Variants in PTGR1 observed in about 807,000 individuals in gnomAD.
The protein encoded by PTGR1 is 15-oxoprostaglandin 13-reductase.
Under a neutral mutation model 37.7 loss-of-function variants are expected in PTGR1, and 23 were observed. The ratio of observed to expected loss-of-function variants is 0.61; its 90% confidence interval spans 0.44 to 0.86. The LOEUF (loss-of-function observed/expected upper bound fraction) is 0.86, where lower values mean the gene tolerates loss of function less well. Ranked by LOEUF, PTGR1 falls within the 40% of genes least tolerant of loss-of-function variation. The probability of loss-of-function intolerance (pLI) is 0.00; values close to 1 mark genes in which losing one functional copy is unlikely to be tolerated. For synonymous variants in PTGR1, 134 were observed against 140.0 expected, an observed-to-expected ratio of 0.96 and a Z score of 0.30; for missense variants, 351 against 394.3, an observed-to-expected ratio of 0.89 and a Z score of 0.93.
chr9:111,587,597 G>T (rs548711078), intron 4 of PTGR1, among the ~76,000 whole-genome samples: 24 of 152,166 alleles, frequency 1.6e-4, no homozygotes, highest in African/African-American at 5.8e-4. Flanking sequence ...GAATACAGGC[G>T]CGTGCCACTA....
At chr9:111,560,962 TATATATATATATAGAGAG>T (rs1231499319), downstream of PTGR1, among the ~76,000 whole-genome samples, 12 of 45,906 alleles carry the variant, frequency 2.6e-4, no homozygotes, top group Admixed American at 3.0e-3. Context: ...TATATATATA[TATATATATATATAGAGAG>T]AGAGAGAGAG....
At chr9:111,568,705 G>A (rs1056378242) in intron 9 of PTGR1, among the ~76,000 whole-genome samples, 5 of 152,210 alleles carry the variant, frequency 3.3e-5, no homozygotes, top group South Asian at 2.1e-4. Flanking sequence ...ATGTGGTGTC[G>A]CCCCCAGCAG....
intron 2 of PTGR1, 67 bp from the exon 3 acceptor site, chr9:111,594,334 C>A: frequency 7.3e-7 from 1 of 1,378,048 alleles, no homozygotes; most frequent in Admixed American, 1.7e-5. Context: ...AGACACTGAG[C>A]ACCACTAGAC....
chr9:111,583,804 G>GA (rs1271285319), intron 5 of PTGR1, among the ~76,000 whole-genome samples: 1 of 152,172 alleles, frequency 6.6e-6, no homozygotes, highest in Non-Finnish European at 1.5e-5. Flanking sequence ...GGAGGGAAGG[G>GA]AGAGTTGGCT....
At chr9:111,586,196 G>A (rs994046457) in intron 4 of PTGR1, 31 bp from the exon 5 acceptor site, 1 of 1,599,592 alleles carries the variant, frequency 6.3e-7, no homozygotes, top group Non-Finnish European at 8.6e-7. Flanking sequence ...AGGCATTAAG[G>A]CATGTGACAT....
At chr9:111,576,003 C>T (rs535520195) in intron 7 of PTGR1, among the ~76,000 whole-genome samples, 14 of 151,318 alleles carry the variant, frequency 9.3e-5, no homozygotes, top group Non-Finnish European at 1.8e-4. Flanking sequence ...AAAAAAAATA[C>T]ATAAAAATTA....
At chr9:111,560,513 C>A (rs1473255868), downstream of PTGR1, among the ~76,000 whole-genome samples, 1 of 147,100 alleles carries the variant, frequency 6.8e-6, no homozygotes, top group African/African-American at 2.5e-5. Context: ...TGGTGGCAGG[C>A]GCCTGTAATC....
chr9:111,569,976 G>T, intron 9 of PTGR1, 115 bp downstream of exon 9: 1 of 1,518,162 alleles, frequency 6.6e-7, no homozygotes, highest in Non-Finnish European at 9.0e-7. Flanking sequence ...GACCCAATAG[G>T]GAAAAACTGA....
At chr9:111,554,589 A>G (rs1355558894) in intron 9 of PTGR1, among the ~76,000 whole-genome samples, 1 of 152,132 alleles carries the variant, frequency 6.6e-6, no homozygotes, top group Non-Finnish European at 1.5e-5. Flanking sequence ...ATAACCCAAG[A>G]AGGCTACTAA....
At chr9:111,588,635 C>T (rs921506909) in intron 4 of PTGR1, among the ~76,000 whole-genome samples, 4 of 152,030 alleles carry the variant, frequency 2.6e-5, no homozygotes, top group African/African-American at 4.8e-5. Context: ...AAGCAATTCT[C>T]GTCCCTTGGC....
At chr9:111,590,468 C>T in intron 4 of PTGR1, among the ~76,000 whole-genome samples, 1 of 152,120 alleles carries the variant, frequency 6.6e-6, no homozygotes, top group Non-Finnish European at 1.5e-5. Context: ...AAGCAATTCT[C>T]ATGCCTCAGC....
At chr9:111,559,549 C>A (rs1828215109), downstream of PTGR1, among the ~76,000 whole-genome samples, 1 of 152,080 alleles carries the variant, frequency 6.6e-6, no homozygotes, top group African/African-American at 2.4e-5. Flanking sequence ...CCACAACACA[C>A]TGCCCAACCC....
intron 6 of PTGR1, among the ~76,000 whole-genome samples, chr9:111,579,381 C>G (rs1829202146): frequency 6.6e-6 from 1 of 151,930 alleles, no homozygotes; most frequent in Admixed American, 6.6e-5. Flanking sequence ...GCCCCCTTAT[C>G]CTTTTTTGAT....
chr9:111,597,275 T>C (rs1338395188), intron 2 of PTGR1, 42 bp downstream of exon 2: 1 of 1,441,106 alleles, frequency 6.9e-7, no homozygotes, highest in South Asian at 1.2e-5. Context: ...AGCTAACTGA[T>C]ACAGTCCCTT....
At chr9:111,550,988 A>G (rs1827924287) in intron 9 of PTGR1, among the ~76,000 whole-genome samples, 1 of 152,182 alleles carries the variant, frequency 6.6e-6, no homozygotes, top group South Asian at 2.1e-4. Context: ...TATATTTAAG[A>G]GCAGGGCTCT....
chr9:111,584,383 G>A (rs924265694), intron 5 of PTGR1, among the ~76,000 whole-genome samples: 2 of 152,194 alleles, frequency 1.3e-5, no homozygotes, highest in Admixed American at 6.5e-5. Flanking sequence ...GTACAGGGCG[G>A]GCAGGAAAGA....
intron 4 of PTGR1, among the ~76,000 whole-genome samples, chr9:111,587,339 A>G (rs1357565994): frequency 6.6e-6 from 1 of 152,226 alleles, no homozygotes; most frequent in East Asian, 1.9e-4. Flanking sequence ...AATTTTAAAC[A>G]TATAAAACAA....
chr9:111,594,647 T>C (rs1829726503), intron 2 of PTGR1, among the ~76,000 whole-genome samples: 1 of 145,028 alleles, frequency 6.9e-6, no homozygotes, highest in Non-Finnish European at 1.5e-5. Context: ...GCCTCCTGGG[T>C]TCATGCCATT....
chr9:111,590,343 T>C (rs1829573373), intron 4 of PTGR1, among the ~76,000 whole-genome samples: 1 of 152,274 alleles, frequency 6.6e-6, no homozygotes, highest in East Asian at 1.9e-4. Context: ...TTAATACTAT[T>C]TGTGGGAGTG....
Sources: gnomAD v4.1 joint callset for allele counts (sites outside exome capture counted in the v4.1 genomes callset) on GRCh38, gnomAD v4.1.1 for gene constraint, MANE v1.5 for transcripts, NCBI Gene and HGNC (gene_info 2026-07-23, HGNC 2026-07-21) for gene names.